Variants in MALRD1 observed in about 807,000 individuals in gnomAD.
The protein encoded by MALRD1 is MAM and LDL-receptor class A domain-containing protein 1.
A neutral mutation model predicts 242.1 loss-of-function variants in MALRD1; 247 were observed. That is an observed-to-expected ratio of 1.02 (90% CI 0.92 to 1.13). MALRD1 has a LOEUF of 1.13. Among genes scored for constraint, MALRD1 ranks in the 50% most tolerant of loss-of-function variants. MALRD1 has a pLI of 0.00. For synonymous variants in MALRD1, 995 were observed against 866.6 expected (o/e 1.15, Z -2.60); for missense variants, 2,989 against 2,533.1 (o/e 1.18, Z -3.86).
At chr10:19,275,191 T>C (rs1359675573) in intron 19 of MALRD1, among the ~76,000 whole-genome samples, 1 of 152,204 alleles carries the variant, frequency 6.6e-6, no homozygotes, top group East Asian at 1.9e-4. Context: ...TATATAATTT[T>C]CTTAATTTAT....
At chr10:19,279,962 A>G in intron 19 of MALRD1, 85 bp from the exon 20 acceptor site, 1 of 1,102,656 alleles carries the variant, frequency 9.1e-7, no homozygotes, top group Non-Finnish European at 1.2e-6. Flanking sequence ...GGGCATATTT[A>G]GAAAGCTTCA....
At chr10:19,413,424 G>A (rs1299525435) in intron 28 of MALRD1, among the ~76,000 whole-genome samples, 1 of 151,682 alleles carries the variant, frequency 6.6e-6, no homozygotes, top group East Asian at 1.9e-4. Flanking sequence ...TGTGCTTCTT[G>A]CACCAATTTT....
chr10:19,718,043 A>G (rs893006112), intron 38 of MALRD1, among the ~76,000 whole-genome samples: 1 of 119,092 alleles, frequency 8.4e-6, no homozygotes, highest in African/African-American at 4.4e-5. Flanking sequence ...GAGGAAGAAG[A>G]AGAGGAAGAA....
chr10:19,369,092 TATATTTAAATATATTTATATATA>T (rs1274628272), intron 26 of MALRD1, among the ~76,000 whole-genome samples: 4 of 146,950 alleles, frequency 2.7e-5, no homozygotes, highest in Non-Finnish European at 6.0e-5. Flanking sequence ...TGTGTTAATA[TATATTTAAATATATTTATATATA>T]ACATTTAAAT....
At chr10:19,684,140 T>A (rs1842481022) in intron 36 of MALRD1, among the ~76,000 whole-genome samples, 1 of 152,196 alleles carries the variant, frequency 6.6e-6, no homozygotes, top group African/African-American at 2.4e-5. Flanking sequence ...GTCTGCATAT[T>A]TTAACTTTAG....
At chr10:19,095,784 C>G (rs974433127) in intron 4 of MALRD1, among the ~76,000 whole-genome samples, 3 of 152,124 alleles carry the variant, frequency 2.0e-5, no homozygotes, top group African/African-American at 7.2e-5. Flanking sequence ...TATTTTATTT[C>G]TTAAACTTCT....
intron 35 of MALRD1, among the ~76,000 whole-genome samples, chr10:19,609,539 C>A (rs1320899331): frequency 6.6e-6 from 1 of 151,984 alleles, no homozygotes; most frequent in Non-Finnish European, 1.5e-5. Context: ...CTTACAGCAT[C>A]CAGTAATTCC....
In MALRD1 at chr10:19,141,502, C is replaced by G. The variant is rs183705158; in HGVS notation, c.1412-4696C>G. Among the ~76,000 whole-genome samples the G allele has an allele frequency of 3.3e-5, 5 of 152,066 alleles. No individual in the cohort carries two copies. The East Asian group carries it at 9.6e-4, about 29-fold the overall frequency. ...GGGAATGTACCTAATACCATAGAAG[C>G]TTACATTAAAAATTGTTAAAATGTT... On this transcript the variant is annotated intron_variant, in intron 10 of 39. Coordinates refer to ENST00000454679, the MANE Select transcript of MALRD1 (RefSeq NM_001142308.3).
intron 33 of MALRD1, among the ~76,000 whole-genome samples, chr10:19,580,103 G>T (rs2131503214): frequency 6.6e-6 from 1 of 152,264 alleles, no homozygotes; most frequent in Non-Finnish European, 1.5e-5. Context: ...CTTCTGGGTT[G>T]CAGGCCTTAT....
At chr10:19,152,077 C>T (rs1191691564) in intron 11 of MALRD1, among the ~76,000 whole-genome samples, 3 of 152,106 alleles carry the variant, frequency 2.0e-5, no homozygotes, top group African/African-American at 7.2e-5. Context: ...ACTATTCACT[C>T]TGTCCTTTAA....
chr10:19,212,003 T>C (rs896758361), intron 18 of MALRD1, among the ~76,000 whole-genome samples: 2 of 152,206 alleles, frequency 1.3e-5, no homozygotes, highest in Non-Finnish European at 2.9e-5. Context: ...TACTTGTTAA[T>C]GTCAGTTGAA....
At chr10:19,621,965 T>C (rs974584695) in intron 36 of MALRD1, among the ~76,000 whole-genome samples, 1 of 151,996 alleles carries the variant, frequency 6.6e-6, no homozygotes, top group Non-Finnish European at 1.5e-5. Context: ...ACATCTATTC[T>C]TTATATTTTA....
In MALRD1 at chr10:19,265,936, C is replaced by T. The variant is rs534171479; in HGVS notation, c.3079+8165C>T. On this transcript the variant is annotated intron_variant, in intron 19 of 39. Coordinates refer to ENST00000454679, the MANE Select transcript of MALRD1 (RefSeq NM_001142308.3). ...TATATATTTATAATTATTATATTCT[C>T]TTGATTAATTGCTATATATTTATAT... is the stretch of plus-strand genomic sequence containing the variant. Among the ~76,000 whole-genome samples the T allele has an allele frequency of 1.9e-3, 284 of 151,770 alleles. 1 individual carries two copies. The highest frequency in any genetic ancestry group is 2.3e-3 in the Non-Finnish European group (153 of 67,844).
At chr10:19,126,090 C>T (rs937876558) in intron 7 of MALRD1, among the ~76,000 whole-genome samples, 3 of 151,426 alleles carry the variant, frequency 2.0e-5, no homozygotes, top group African/African-American at 7.3e-5. Context: ...GGTGATTTTC[C>T]CTCTTTAGCT....
At chr10:19,448,961 T>A (rs1835156779) in intron 28 of MALRD1, among the ~76,000 whole-genome samples, 1 of 152,194 alleles carries the variant, frequency 6.6e-6, no homozygotes, top group Non-Finnish European at 1.5e-5. Flanking sequence ...TCTCCTTTTC[T>A]CTTTTCCTCT....
At chr10:19,266,538 C>T (rs879920140) in intron 19 of MALRD1, among the ~76,000 whole-genome samples, 6 of 151,756 alleles carry the variant, frequency 4.0e-5, no homozygotes, top group Non-Finnish European at 7.4e-5. Flanking sequence ...TCACAATTTA[C>T]ATCTTTTTAT....
rs141159892 is a variant in MALRD1 at position 19,734,359 on chromosome 10, A to G, written c.*122A>G. On this transcript the variant is annotated 3_prime_UTR_variant, in exon 40 of 40. Coordinates refer to ENST00000454679, the MANE Select transcript of MALRD1 (RefSeq NM_001142308.3). ...AGAAAGGATTGTAAATGCCAGTGTAATTATAACATTTATGAATGAATTTTC... is the reference window on the plus strand; with the variant it reads ...AGAAAGGATTGTAAATGCCAGTGTAGTTATAACATTTATGAATGAATTTTC... 117 of 762,032 alleles carry G rather than the reference A, an allele frequency of 1.5e-4. No individual in the cohort carries two copies. In the East Asian group the frequency reaches 3.2e-3, roughly 21 times the overall value. The allele number at this position is 762,032 out of a possible 1,614,324, so 47.2% of individuals were successfully genotyped here.
chr10:19,305,938 A>G (rs1220185503), intron 21 of MALRD1, among the ~76,000 whole-genome samples: 4 of 129,072 alleles, frequency 3.1e-5, no homozygotes, highest in African/African-American at 1.2e-4. Context: ...TACTATGTAA[A>G]CTATACTATA....
chr10:19,308,222 C>T (rs1294432017), intron 21 of MALRD1, among the ~76,000 whole-genome samples: 3 of 151,494 alleles, frequency 2.0e-5, no homozygotes, highest in Non-Finnish European at 3.0e-5. Context: ...TCCTTCTATT[C>T]TGCATGTCTG....
Sources: gnomAD v4.1 joint callset for allele counts (sites outside exome capture counted in the v4.1 genomes callset) on GRCh38, gnomAD v4.1.1 for gene constraint, MANE v1.5 for transcripts, NCBI Gene and HGNC (gene_info 2026-07-23, HGNC 2026-07-21) for gene names.